NRG1: variants seen among roughly 807,000 people sequenced by gnomAD.
The protein encoded by NRG1 is pro-neuregulin-1, membrane-bound isoform.
Under a neutral mutation model 63.8 loss-of-function variants are expected in NRG1, and 18 were observed. That is an observed-to-expected ratio of 0.28 (90% CI 0.19 to 0.42). The LOEUF (loss-of-function observed/expected upper bound fraction) is 0.42. Among genes scored for constraint, NRG1 ranks in the 10% least tolerant of loss-of-function variants. The pLI, the probability that NRG1 is intolerant of heterozygous loss-of-function variation, is 1.00. For synonymous variants in NRG1, 302 were observed against 301.3 expected (o/e 1.00, Z -0.02); for missense variants, 762 against 814.7 (o/e 0.94, Z 0.79).
rs113313691 is a variant in NRG1 at position 32,462,940 on chromosome 8, C to T, written c.38-132888C>T. 1.4e-3 allele frequency among the ~76,000 whole-genome samples: 216 copies of T among 152,040 alleles called. 3 individuals carry two copies. The highest frequency in any genetic ancestry group is 3.6e-3 in the African/African-American group (151 of 41,506). ...ATTCTACATGATTACAAGTTTGTTCCCTCTCATCTACTTTCCATTTTCTCC... is the reference window on the plus strand; with the variant it reads ...ATTCTACATGATTACAAGTTTGTTCTCTCTCATCTACTTTCCATTTTCTCC... On this transcript the variant is annotated intron_variant, in intron 1 of 10. Coordinates refer to the NRG1 transcript ENST00000519301.
intron 1 of NRG1, among the ~76,000 whole-genome samples, chr8:32,037,731 C>T (rs1462891332): frequency 6.6e-6 from 1 of 152,292 alleles, no homozygotes; most frequent in Non-Finnish European, 1.5e-5. Flanking sequence ...CTGTGCTGCG[C>T]TGTGGGGAAT....
intron 1 of NRG1, among the ~76,000 whole-genome samples, chr8:31,860,935 T>C (rs141478906): frequency 1.3e-5 from 2 of 152,288 alleles, no homozygotes; most frequent in African/African-American, 4.8e-5. Context: ...TGTTCCCTGT[T>C]TTTCATTTAG....
intron 1 of NRG1, among the ~76,000 whole-genome samples, chr8:32,293,576 G>T (rs1854463553): frequency 1.3e-5 from 2 of 152,048 alleles, no homozygotes; most frequent in Admixed American, 1.3e-4. Context: ...AAAATAAAAA[G>T]ATTATTTTGA....
chr8:31,834,333 A>ACACACACACACACG (rs1415012765), intron 1 of NRG1, among the ~76,000 whole-genome samples: 2 of 151,216 alleles, frequency 1.3e-5, no homozygotes, highest in Non-Finnish European at 3.0e-5. Flanking sequence ...ACACACACGC[A>ACACACACACACACG]CACCAATTTG....
chr8:32,533,639 A>G (rs1214241984), intron 1 of NRG1, among the ~76,000 whole-genome samples: 1 of 152,108 alleles, frequency 6.6e-6, no homozygotes, highest in Non-Finnish European at 1.5e-5. Flanking sequence ...AAACCTATCA[A>G]AATGGGACAC....
chr8:31,988,137 C>T (rs1325522235), intron 1 of NRG1, among the ~76,000 whole-genome samples: 3 of 152,120 alleles, frequency 2.0e-5, no homozygotes, highest in Admixed American at 1.3e-4. Context: ...CCTTACTAAA[C>T]ACTAGGATTG....
At chr8:31,721,289 A>C (rs1220244191) in intron 1 of NRG1, among the ~76,000 whole-genome samples, 1 of 152,186 alleles carries the variant, frequency 6.6e-6, no homozygotes, top group Non-Finnish European at 1.5e-5. Flanking sequence ...TTCTTTCCAT[A>C]GGATATTGTA....
At chr8:32,764,168 C>T (rs1410390566) in exon 12 of NRG1, 1 of 1,613,956 alleles carries the variant, frequency 6.2e-7, no homozygotes, top group Non-Finnish European at 8.5e-7. Flanking sequence ...TGGAAGTGGA[C>T]AGCAACACAA....
chr8:32,025,559 G>GT (rs1817123149), intron 1 of NRG1, among the ~76,000 whole-genome samples: 1 of 151,960 alleles, frequency 6.6e-6, no homozygotes, highest in African/African-American at 2.4e-5. Flanking sequence ...ACCTTAAGAC[G>GT]TATCTTTTTC....
At chr8:32,693,015 A>C (rs1234928324) in intron 5 of NRG1, among the ~76,000 whole-genome samples, 1 of 152,174 alleles carries the variant, frequency 6.6e-6, no homozygotes, top group Non-Finnish European at 1.5e-5. Flanking sequence ...ACATCACCGA[A>C]TGCCTTTCCG....
chr8:32,369,839 T>C (rs1306268182), intron 1 of NRG1, among the ~76,000 whole-genome samples: 1 of 152,146 alleles, frequency 6.6e-6, no homozygotes, highest in African/African-American at 2.4e-5. Context: ...ACCTGTCATA[T>C]TGGGACTGTG....
chr8:32,630,466 T>C lies in NRG1; in HGVS notation c.502+13581T>C, dbSNP rs138105858. 2.7e-3 allele frequency among the ~76,000 whole-genome samples: 405 copies of C among 152,240 alleles called. 2 individuals are homozygous for C. The highest frequency in any genetic ancestry group is 9.1e-3 in the African/African-American group (378 of 41,554). ...TGAAGAGATAATGATGAGAATGACA[T>C]TGTAGATAAAAGGTATATGCATTAA... On this transcript the variant is annotated intron_variant, in intron 5 of 11. Coordinates refer to ENST00000356819, the Ensembl canonical transcript of NRG1.
At chr8:32,142,207 C>A (rs564771809) in intron 1 of NRG1, among the ~76,000 whole-genome samples, 1 of 152,174 alleles carries the variant, frequency 6.6e-6, no homozygotes, top group African/African-American at 2.4e-5. Flanking sequence ...GTCAGCTCAT[C>A]TCAGCATGTT....
chr8:32,763,825 C>A (rs201330419), exon 12 of NRG1: 1 of 1,611,698 alleles, frequency 6.2e-7, no homozygotes, highest in Admixed American at 1.7e-5. Context: ...AAATCGCCCC[C>A]TTCGGAAATG....
chr8:31,727,956 A>T (rs1813616375), intron 1 of NRG1, among the ~76,000 whole-genome samples: 1 of 152,182 alleles, frequency 6.6e-6, no homozygotes, highest in Non-Finnish European at 1.5e-5. Flanking sequence ...GACATCTCCT[A>T]GACAGGATCT....
intron 7 of NRG1, among the ~76,000 whole-genome samples, chr8:32,743,645 G>C (rs1826894065): frequency 6.8e-6 from 1 of 146,032 alleles, no homozygotes; most frequent in African/African-American, 2.5e-5. Flanking sequence ...AGATGTTCGT[G>C]GCTTCCTGAA....
intron 1 of NRG1, among the ~76,000 whole-genome samples, chr8:31,802,794 G>T (rs933617742): frequency 1.3e-5 from 2 of 152,136 alleles, no homozygotes. Context: ...GCTGTTTTGG[G>T]GATCATTCCA....
intron 1 of NRG1, among the ~76,000 whole-genome samples, chr8:32,249,747 G>C (rs1042233561): frequency 1.3e-5 from 2 of 152,096 alleles, no homozygotes; most frequent in Admixed American, 6.6e-5. Context: ...CTTATTACCT[G>C]TGTTGAGTAA....
chr8:31,933,155 A>G (rs967001856), intron 1 of NRG1, among the ~76,000 whole-genome samples: 4 of 152,234 alleles, frequency 2.6e-5, no homozygotes, highest in African/African-American at 9.6e-5. Context: ...CTGCTTTATG[A>G]CAATCTACTC....
Sources: allele counts gnomAD v4.1 joint callset (sites outside exome capture counted in the v4.1 genomes callset), GRCh38; gene constraint gnomAD v4.1.1; transcripts MANE v1.5; gene names NCBI Gene and HGNC (gene_info 2026-07-23, HGNC 2026-07-21).